THSD7A: variants seen among roughly 807,000 people sequenced by gnomAD.
THSD7A encodes thrombospondin type 1 domain containing 7A.
A neutral mutation model predicts 231.3 loss-of-function variants in THSD7A; 96 were observed. That is an observed-to-expected ratio of 0.41 (90% CI 0.35 to 0.49). The LOEUF (loss-of-function observed/expected upper bound fraction) is 0.49. THSD7A is among the 20% of genes least tolerant of loss of function. THSD7A has a pLI of 0.05. For synonymous variants in THSD7A, 940 were observed against 743.3 expected (o/e 1.26, Z -4.30); for missense variants, 2,290 against 2,070.2 (o/e 1.11, Z -2.06).
chr7:11,638,344 T>C (rs1169777818), intron 1 of THSD7A, among the ~76,000 whole-genome samples: 1 of 152,200 alleles, frequency 6.6e-6, no homozygotes, highest in African/African-American at 2.4e-5. Flanking sequence ...CAACTTTTAG[T>C]TGTATGATTT....
intron 23 of THSD7A, among the ~76,000 whole-genome samples, chr7:11,389,731 A>G (rs922782598): frequency 2.6e-5 from 4 of 151,810 alleles, no homozygotes; most frequent in South Asian, 2.1e-4. Flanking sequence ...GGCCTTTACA[A>G]TTTGTTACGT....
intron 1 of THSD7A, among the ~76,000 whole-genome samples, chr7:11,647,130 C>T (rs985812165): frequency 1.3e-5 from 2 of 152,022 alleles, no homozygotes; most frequent in African/African-American, 4.8e-5. Flanking sequence ...TAATTTATCC[C>T]TTGCACCACT....
At chr7:11,765,188 C>G (rs1466453142) in intron 1 of THSD7A, among the ~76,000 whole-genome samples, 1 of 152,108 alleles carries the variant, frequency 6.6e-6, no homozygotes, top group Non-Finnish European at 1.5e-5. Context: ...AGTTCAGGGA[C>G]TTATTTAAAA....
intron 1 of THSD7A, among the ~76,000 whole-genome samples, chr7:11,710,588 T>C (rs1279895240): frequency 1.3e-5 from 2 of 150,914 alleles, no homozygotes; most frequent in Non-Finnish European, 3.0e-5. Flanking sequence ...CATGCAGAAT[T>C]AACAAGCACT....
chr7:11,809,707 G>C (rs1017098323), intron 1 of THSD7A, among the ~76,000 whole-genome samples: 2 of 152,068 alleles, frequency 1.3e-5, no homozygotes, highest in Non-Finnish European at 1.5e-5. Flanking sequence ...AGTAATTTTG[G>C]AACTAGCTTA....
rs757998268 is a variant in THSD7A at position 11,379,754 on chromosome 7, G to T, written c.4508-42C>A. 7.2e-6 allele frequency: 11 copies of T among 1,534,142 alleles called. No homozygotes were observed. The South Asian group carries it at 1.2e-4, about 17-fold the overall frequency. On this transcript the variant is annotated intron_variant, in intron 24 of 27. Transcript: ENST00000423059. ...CATGTTTTGACAAATAATATATTTT[G>T]CTATGATGAAAATACACTGTGGTTA... is the stretch of plus-strand genomic sequence containing the variant.
At chr7:11,556,116 T>C (rs901427748) in intron 4 of THSD7A, among the ~76,000 whole-genome samples, 1 of 151,742 alleles carries the variant, frequency 6.6e-6, no homozygotes, top group African/African-American at 2.4e-5. Flanking sequence ...CTTCTATTTA[T>C]TTTTATTTAT....
At chr7:11,812,414 A>T (rs1363503065) in intron 1 of THSD7A, among the ~76,000 whole-genome samples, 3 of 152,200 alleles carry the variant, frequency 2.0e-5, no homozygotes, top group Non-Finnish European at 4.4e-5. Flanking sequence ...ATCATGAAAC[A>T]ATATGGGAAT....
At chr7:11,513,517 G>A (rs764731443) in intron 6 of THSD7A, among the ~76,000 whole-genome samples, 27 of 152,150 alleles carry the variant, frequency 1.8e-4, no homozygotes, top group South Asian at 6.2e-4. Flanking sequence ...CCTTGAAAAC[G>A]TTATGGTAAC....
At chr7:11,764,357 G>A (rs560171533) in intron 1 of THSD7A, among the ~76,000 whole-genome samples, 3 of 152,178 alleles carry the variant, frequency 2.0e-5, no homozygotes, top group African/African-American at 4.8e-5. Context: ...CGAGGCGGGT[G>A]GATCACGAGG....
At chr7:11,379,489 T>C (rs1782422915) in intron 25 of THSD7A, 141 bp downstream of exon 25, 6 of 910,784 alleles carry the variant, frequency 6.6e-6, no homozygotes, top group South Asian at 3.4e-5. Context: ...CAGGACTTTT[T>C]AGATTGATAA....
chr7:11,686,370 A>T (rs1288328491), intron 1 of THSD7A, among the ~76,000 whole-genome samples: 5 of 151,928 alleles, frequency 3.3e-5, no homozygotes, highest in Non-Finnish European at 7.4e-5. Flanking sequence ...AAATTTTAAC[A>T]TAAAATAATG....
chr7:11,527,913 G>GGAGGCCAAGTGGGAGGATTGGTT (rs1788545636), intron 6 of THSD7A, among the ~76,000 whole-genome samples: 1 of 152,138 alleles, frequency 6.6e-6, no homozygotes, highest in Non-Finnish European at 1.5e-5. Flanking sequence ...CAGCACTGTA[G>GGAGGCCAAGTGGGAGGATTGGTT]GAGGCCAAGT....
chr7:11,651,980 G>A (rs928464376), intron 1 of THSD7A, among the ~76,000 whole-genome samples: 1 of 151,912 alleles, frequency 6.6e-6, no homozygotes, highest in Non-Finnish European at 1.5e-5. Context: ...ATAAAATGAA[G>A]TGAAGTTAAT....
intron 16 of THSD7A, among the ~76,000 whole-genome samples, chr7:11,424,307 C>A (rs1210247183): frequency 1.3e-5 from 2 of 152,044 alleles, no homozygotes; most frequent in Non-Finnish European, 2.9e-5. Flanking sequence ...GCTCCCTGGA[C>A]AACAGGATAG....
At chr7:11,423,738 G>A (rs1400128231) in intron 16 of THSD7A, among the ~76,000 whole-genome samples, 2 of 152,106 alleles carry the variant, frequency 1.3e-5, no homozygotes, top group African/African-American at 2.4e-5. Context: ...TGAATTCCAA[G>A]GCTGCCACTT....
At chr7:11,501,640 G>T (rs1036173383) in intron 6 of THSD7A, among the ~76,000 whole-genome samples, 2 of 152,242 alleles carry the variant, frequency 1.3e-5, no homozygotes, top group South Asian at 2.1e-4. Context: ...AGTGTTAAGA[G>T]GAAAATTCAT....
chr7:11,460,107 C>T (rs10224183), intron 11 of THSD7A, among the ~76,000 whole-genome samples: 30,501 of 151,866 alleles, frequency 0.2, 4,712 homozygotes, highest in African/African-American at 0.43. Context: ...CAAGATTCCA[C>T]GTTATTTAGT....
rs765115091 is a variant in THSD7A, at chr7:11,460,679, G to T, written c.2588C>A (p.Pro863His). 6.2e-7 allele frequency: 1 copy of T among 1,610,978 alleles called. No homozygotes were observed. The highest frequency in any genetic ancestry group is 1.7e-5 in the Admixed American group (1 of 59,720). ...CCTCCCACCTCTTGCCTGTCGCCCA[G>T]GCCCACAGCCTTCCTGTGCTCCAGG... ...DSPGAQEGCG[P>H]GRQARAITCR... The change falls in exon 11 of 28, where the codon CCT (proline) becomes CAT (histidine). Residue 863 changes from proline (P) to histidine (H), a missense_variant. Physicochemically the swap from Pro to His is moderately conservative, Grantham distance 77. Transcript: ENST00000423059.
Sources: allele counts gnomAD v4.1 joint callset (sites outside exome capture counted in the v4.1 genomes callset), GRCh38; gene constraint gnomAD v4.1.1; transcripts MANE v1.5; gene names NCBI Gene and HGNC (gene_info 2026-07-23, HGNC 2026-07-21).